CNTNAP2: variants seen among roughly 807,000 people sequenced by gnomAD.
CNTNAP2 encodes the protein contactin-associated protein-like 2.
Under a neutral mutation model 155.2 loss-of-function variants are expected in CNTNAP2, and 98 were observed. The observed-to-expected ratio is 0.63, with a 90% CI of 0.54 to 0.75. The LOEUF (loss-of-function observed/expected upper bound fraction) is 0.75. Among genes scored for constraint, CNTNAP2 ranks in the 30% least tolerant of loss-of-function variants. The pLI is 0.00. For synonymous variants in CNTNAP2, 651 were observed against 631.2 expected (o/e 1.03, Z -0.47); for missense variants, 1,727 against 1,688.1 (o/e 1.02, Z -0.40).
chr7:147,312,245 A>C (rs2116797981), intron 9 of CNTNAP2, among the ~76,000 whole-genome samples: 2 of 151,768 alleles, frequency 1.3e-5, no homozygotes, highest in Middle Eastern at 6.8e-3. Flanking sequence ...TCCTCCTGGG[A>C]ATTTTATTTT....
chr7:147,482,890 AC>A (rs1798448543), intron 10 of CNTNAP2, among the ~76,000 whole-genome samples: 1 of 151,648 alleles, frequency 6.6e-6, no homozygotes, highest in Non-Finnish European at 1.5e-5. Context: ...TAATAAAAAT[AC>A]ACAAATTAGC....
chr7:147,256,777 C>T (rs376639933), intron 8 of CNTNAP2, among the ~76,000 whole-genome samples: 1 of 151,940 alleles, frequency 6.6e-6, no homozygotes, highest in African/African-American at 2.4e-5. Context: ...TTAATGGACG[C>T]ATTGAACTTG....
intron 1 of CNTNAP2, among the ~76,000 whole-genome samples, chr7:146,208,458 T>C (rs1798983038): frequency 6.6e-6 from 1 of 152,046 alleles, no homozygotes; most frequent in Non-Finnish European, 1.5e-5. Flanking sequence ...GACTAATTAA[T>C]GAGGAAATGG....
chr7:148,267,666 AAAAAAAC>A (rs1234799543), intron 21 of CNTNAP2, among the ~76,000 whole-genome samples: 1 of 151,514 alleles, frequency 6.6e-6, no homozygotes, highest in Non-Finnish European at 1.5e-5. Context: ...AAAAAAAAAA[AAAAAAAC>A]AACCAAACAA....
intron 1 of CNTNAP2, among the ~76,000 whole-genome samples, chr7:146,220,281 T>C (rs1251848898): frequency 2.0e-5 from 1 of 50,890 alleles, no homozygotes; most frequent in Non-Finnish European, 4.0e-5. Flanking sequence ...TATTGGGGAA[T>C]GCATGCTAAA....
In CNTNAP2 at chr7:147,694,636, T is replaced by C. The variant is rs1036235888; in HGVS notation, c.2098+55330T>C. On this transcript the variant is annotated intron_variant, in intron 13 of 23. Transcript: ENST00000361727. ...GATTTAGAATTTTTCACAGAATTCA[T>C]TTGTTATTCCTTTAATGTCCACAGA... 2.6e-5 allele frequency among the ~76,000 whole-genome samples: 4 copies of C among 152,278 alleles called. No individual in the cohort carries two copies. In the East Asian group the frequency reaches 7.7e-4, roughly 29 times the overall value.
chr7:146,242,557 A>C (rs1799580568), intron 1 of CNTNAP2, among the ~76,000 whole-genome samples: 1 of 151,932 alleles, frequency 6.6e-6, no homozygotes, highest in Non-Finnish European at 1.5e-5. Flanking sequence ...AAAGGAGAGA[A>C]AAAGAAAAAA....
intron 3 of CNTNAP2, among the ~76,000 whole-genome samples, chr7:146,991,946 A>C (rs1246060844): frequency 6.6e-6 from 1 of 152,138 alleles, no homozygotes; most frequent in African/African-American, 2.4e-5. Flanking sequence ...TGCTTGAATG[A>C]TGATAGCTGT....
intron 1 of CNTNAP2, among the ~76,000 whole-genome samples, chr7:146,329,854 T>A (rs1436601598): frequency 6.6e-6 from 1 of 152,136 alleles, no homozygotes; most frequent in Non-Finnish European, 1.5e-5. Flanking sequence ...AAGCATTATA[T>A]AACGAGTCTT....
intron 4 of CNTNAP2, among the ~76,000 whole-genome samples, chr7:147,089,522 T>C (rs1800353694): frequency 6.6e-6 from 1 of 152,184 alleles, no homozygotes; most frequent in South Asian, 2.1e-4. Flanking sequence ...AGCATTGTGG[T>C]TTAGTAATTG....
chr7:146,148,989 C>G (rs1797994548), intron 1 of CNTNAP2, among the ~76,000 whole-genome samples: 1 of 142,410 alleles, frequency 7.0e-6, no homozygotes, highest in African/African-American at 2.6e-5. Flanking sequence ...AATGAGAACA[C>G]TTGGACACAG....
At chr7:147,339,160 T>A (rs776107501) in intron 9 of CNTNAP2, among the ~76,000 whole-genome samples, 5 of 151,484 alleles carry the variant, frequency 3.3e-5, no homozygotes, top group Non-Finnish European at 7.4e-5. Context: ...AAACAATAAC[T>A]ATTGCTATTG....
intron 13 of CNTNAP2, among the ~76,000 whole-genome samples, chr7:147,853,634 G>C (rs1798987553): frequency 6.6e-6 from 1 of 152,160 alleles, no homozygotes; most frequent in Non-Finnish European, 1.5e-5. Context: ...GGTTGGCACA[G>C]TCATTTCATA....
intron 4 of CNTNAP2, among the ~76,000 whole-genome samples, chr7:147,062,643 C>T (rs1226602829): frequency 6.6e-6 from 1 of 152,094 alleles, no homozygotes; most frequent in Non-Finnish European, 1.5e-5. Flanking sequence ...ATAATAAATG[C>T]CAAGTGCTTA....
chr7:146,371,689 T>C (rs528910710), intron 1 of CNTNAP2, among the ~76,000 whole-genome samples: 2 of 152,000 alleles, frequency 1.3e-5, no homozygotes, highest in African/African-American at 4.8e-5. Context: ...TGGTGGCTCA[T>C]GGCTGTAATC....
chr7:147,611,793 T>C (rs111851286), intron 12 of CNTNAP2, among the ~76,000 whole-genome samples: 3 of 152,362 alleles, frequency 2.0e-5, no homozygotes, highest in African/African-American at 7.2e-5. Context: ...CTACCTGAAC[T>C]GCATACATAG....
At chr7:146,618,938 TGGG>T (rs1455514592) in intron 1 of CNTNAP2, among the ~76,000 whole-genome samples, 2 of 151,580 alleles carry the variant, frequency 1.3e-5, no homozygotes, top group Admixed American at 1.3e-4. Context: ...GGCGTGGTGG[TGGG>T]GGCCTATAAT....
chr7:147,354,059 C>T (rs992539047), intron 9 of CNTNAP2, among the ~76,000 whole-genome samples: 5 of 151,778 alleles, frequency 3.3e-5, no homozygotes, highest in African/African-American at 9.7e-5. Context: ...GGATAGATTG[C>T]AAAAATTTTC....
At position 146,654,981 on chromosome 7, in the gene CNTNAP2, T is replaced by C. The variant is rs376651670; in HGVS notation, c.98-119290T>C. ...GAAAAAATAAATCCCTTTTACCTAA[T>C]AGGCAAGTTCATGAGAAATCTGTAA... is the stretch of plus-strand genomic sequence containing the variant. On this transcript the variant is annotated intron_variant, in intron 1 of 23. Coordinates refer to ENST00000361727, the MANE Select transcript of CNTNAP2 (RefSeq NM_014141.6). 2.6e-5 allele frequency among the ~76,000 whole-genome samples: 4 copies of C among 152,284 alleles called. No individual in the cohort carries two copies. The East Asian group carries it at 5.8e-4, about 22-fold the overall frequency.
Sources: allele counts gnomAD v4.1 joint callset (sites outside exome capture counted in the v4.1 genomes callset), GRCh38; gene constraint gnomAD v4.1.1; transcripts MANE v1.5; gene names NCBI Gene and HGNC (gene_info 2026-07-23, HGNC 2026-07-21).